VPS37C: variants seen among roughly 807,000 people sequenced by gnomAD.
The protein encoded by VPS37C is VPS37C subunit of ESCRT-I.
In VPS37C, 9 loss-of-function variants were observed where a neutral mutation model predicts 16.1. The ratio of observed to expected loss-of-function variants is 0.56; its 90% CI spans 0.34 to 0.97. The LOEUF is 0.97. Among genes scored for constraint, VPS37C ranks in the 50% least tolerant of loss-of-function variants. VPS37C has a pLI of 0.02. For missense variants in VPS37C, 479 were observed against 472.7 expected, an observed-to-expected ratio of 1.01 and a Z score of -0.12; for synonymous variants, 207 against 206.4, an observed-to-expected ratio of 1.00 and a Z score of -0.02.
intron 1 of VPS37C, among the ~76,000 whole-genome samples, chr11:61,154,562 G>T (rs1327731684): frequency 1.3e-5 from 2 of 151,902 alleles, no homozygotes; most frequent in African/African-American, 2.4e-5. Context: ...TGGGAAAAAT[G>T]AATGATCAGA....
chr11:61,156,009 C>T (rs1209836718), intron 1 of VPS37C, among the ~76,000 whole-genome samples: 3 of 152,072 alleles, frequency 2.0e-5, no homozygotes, highest in Admixed American at 1.3e-4. Context: ...GGTATAATAT[C>T]GCTTGAAGAT....
intron 1 of VPS37C, among the ~76,000 whole-genome samples, chr11:61,159,901 CAAA>C (rs35953020): frequency 0.12 from 5,706 of 48,710 alleles, 54 homozygotes; most frequent in Non-Finnish European, 0.14. Context: ...GACTCCGTCT[CAAA>C]AAAAAAAAAA....
chr11:61,148,533 G>A (rs495377), intron 1 of VPS37C, among the ~76,000 whole-genome samples: 111,553 of 150,218 alleles, frequency 0.74, 42,942 homozygotes, highest in East Asian at 1. Flanking sequence ...CCAGCTGTGC[G>A]TCCAAGTACC....
In VPS37C at chr11:61,133,348, G is replaced by C; in HGVS notation, c.266-11C>G. On this transcript the variant is annotated splice_polypyrimidine_tract_variant and intron_variant, in intron 3 of 4. Transcript: ENST00000301765. ...CTGAAGAAAATTTCTCTGGAAGGGAGGGCAGAACGACTGACATTTGAAAAG... is the reference window on the plus strand; with the variant it reads ...CTGAAGAAAATTTCTCTGGAAGGGACGGCAGAACGACTGACATTTGAAAAG... 1 of 1,613,494 alleles carries C rather than the reference G, an allele frequency of 6.2e-7. No homozygotes were observed. Among genetic ancestry groups the C allele is most frequent in the Non-Finnish European group, 8.5e-7 (1 of 1,179,764 alleles).
chr11:61,133,920 C>A lies in VPS37C; in HGVS notation c.265+116G>T, dbSNP rs1861316548. 11 of 1,277,766 alleles carry A rather than the reference C, an allele frequency of 8.6e-6. No individual in the cohort carries two copies. The East Asian group carries it at 1.4e-4, about 17-fold the overall frequency. 79.2% of individuals were successfully genotyped at this position (1,277,766 alleles called of 1,614,324 possible). A position where few individuals can be genotyped will look rare whatever the true frequency, so the allele number is the denominator to read the frequency against. On this transcript the variant is annotated intron_variant, in intron 3 of 4. Coordinates refer to ENST00000301765, the MANE Select transcript of VPS37C (RefSeq NM_017966.5). ...AAATGGAGTAACAACAGTACCCACCCTTCTATGGCTGTTGTGAAAAAATAT... is the reference window on the plus strand; with the variant it reads ...AAATGGAGTAACAACAGTACCCACCATTCTATGGCTGTTGTGAAAAAATAT...
intron 1 of VPS37C, chr11:61,143,362 ATTTTTTTTTTTTTTTTTTTTTT>A (rs779076399): frequency 9.6e-5 from 5 of 52,246 alleles, no homozygotes; most frequent in African/African-American, 4.5e-4. Flanking sequence ...AGGATTCTTA[ATTTTTTTTTTTTTTTTTTTTTT>A]TTTTTTTTTT....
rs1853261998 is a variant in VPS37C at position 61,149,179 on chromosome 11, A to G, written c.-6-10344T>C. On this transcript the variant is annotated intron_variant, in intron 1 of 4. Coordinates refer to ENST00000301765, the MANE Select transcript of VPS37C (RefSeq NM_017966.5). ...CACACGCCTGTAGTCCCAGCTACTC[A>G]GGAGGCTGAGGCAGGAGAATGGCGT... Among the ~76,000 whole-genome samples the G allele has an allele frequency of 2.6e-5, 4 of 152,228 alleles. No homozygotes were observed. The South Asian group carries it at 8.3e-4, about 31-fold the overall frequency.
chr11:61,131,567 C>T lies in VPS37C; in HGVS notation c.*253G>A. The T allele has an allele frequency of 2.3e-6, 1 of 427,306 alleles. No individual in the cohort carries two copies. 26.5% of individuals were successfully genotyped at this position (427,306 alleles called of 1,614,324 possible). Reference sequence around the variant, plus strand: ...AGACACCGGCGAGAGGTGCTGGACTCCAGCCTGGCTAGCACCGCTGCAGCC... The same window carrying T: ...AGACACCGGCGAGAGGTGCTGGACTTCAGCCTGGCTAGCACCGCTGCAGCC... On this transcript the variant is annotated 3_prime_UTR_variant, in exon 5 of 5. Transcript: ENST00000301765.
intron 1 of VPS37C, among the ~76,000 whole-genome samples, chr11:61,153,231 C>T (rs1361943074): frequency 2.0e-5 from 3 of 152,166 alleles, no homozygotes; most frequent in African/African-American, 7.2e-5. Context: ...ATGCTGTTCT[C>T]GTGACAGTGA....
intron 2 of VPS37C, among the ~76,000 whole-genome samples, chr11:61,137,379 G>A (rs1336045267): frequency 6.6e-6 from 1 of 152,162 alleles, no homozygotes. Context: ...CAGATCGATG[G>A]GACAGGTGTG....
chr11:61,140,460 AG>A lies in VPS37C; in HGVS notation c.-6-1626del, dbSNP rs369329391. Reference sequence around the variant, plus strand: ...ATAAAGAACTATCCATACAGGGACGAGACCAGTATTTGTTATGTCTTGAGGG... The same window carrying A: ...ATAAAGAACTATCCATACAGGGACGAACCAGTATTTGTTATGTCTTGAGGG... On this transcript the variant is annotated intron_variant, in intron 1 of 4. Transcript: ENST00000301765. Among the ~76,000 whole-genome samples the A allele has an allele frequency of 1.2e-4, 19 of 152,126 alleles. 1 individual carries two copies. In the South Asian group the frequency reaches 4.0e-3, roughly 32 times the overall value.
At chr11:61,142,751 C>T (rs540622898) in intron 1 of VPS37C, among the ~76,000 whole-genome samples, 3 of 138,086 alleles carry the variant, frequency 2.2e-5, no homozygotes, top group African/African-American at 8.2e-5. Flanking sequence ...AGGAGTCCCC[C>T]TGAAACACAC....
intron 1 of VPS37C, among the ~76,000 whole-genome samples, chr11:61,157,647 A>AT (rs1365379048): frequency 6.6e-6 from 1 of 152,124 alleles, no homozygotes; most frequent in East Asian, 1.9e-4. Flanking sequence ...TCCTAACACT[A>AT]TTTTTTTAAA....
rs1336954921 is a variant in VPS37C at position 61,132,351 on chromosome 11, C to T, written c.537G>A (p.Val179=). Residue 179 remains valine (V), a synonymous_variant, in exon 5 of 5, where the codon GTG becomes GTA. Transcript: ENST00000301765. ...GGGGTGTTCCCTGGGGGACTGGGCG[C>T]ACCGGGGGTGGTGGACGGGGTGGAG... is the stretch of plus-strand genomic sequence containing the variant. ...DAPPPRPPPP[V]RPVPQGTPPV... The T allele has an allele frequency of 6.2e-7, 1 of 1,600,224 alleles. No individual in the cohort carries two copies. The highest frequency in any genetic ancestry group is 8.5e-7 in the Non-Finnish European group (1 of 1,173,404).
chr11:61,149,587 G>C (rs1237052153), intron 1 of VPS37C, among the ~76,000 whole-genome samples: 1 of 152,176 alleles, frequency 6.6e-6, no homozygotes, highest in Non-Finnish European at 1.5e-5. Context: ...CGGCCAGCTA[G>C]GTCTAGAACC....
intron 1 of VPS37C, among the ~76,000 whole-genome samples, chr11:61,147,991 T>A (rs201186122): frequency 6.6e-6 from 1 of 152,234 alleles, no homozygotes; most frequent in Non-Finnish European, 1.5e-5. Context: ...GGCACCATGA[T>A]GATAATCCCA....
chr11:61,133,170 A>G, intron 4 of VPS37C, 85 bp downstream of exon 4: 1 of 1,429,550 alleles, frequency 7.0e-7, no homozygotes, highest in Non-Finnish European at 9.7e-7. Flanking sequence ...CATGCTTTGC[A>G]GACATCTGCT....
intron 1 of VPS37C, among the ~76,000 whole-genome samples, chr11:61,157,192 T>C (rs919149395): frequency 6.6e-6 from 1 of 152,276 alleles, no homozygotes; most frequent in African/African-American, 2.4e-5. Context: ...ATAATGCTGC[T>C]ACAAACATGG....
intron 1 of VPS37C, chr11:61,144,716 A>T (rs1393988491): frequency 6.6e-6 from 1 of 152,398 alleles, no homozygotes; most frequent in Non-Finnish European, 1.5e-5. Flanking sequence ...ACGAGTGCCC[A>T]AGCTCTGGCC....
Sources: allele counts gnomAD v4.1 joint callset (sites outside exome capture counted in the v4.1 genomes callset), GRCh38; gene constraint gnomAD v4.1.1; transcripts MANE v1.5; gene names NCBI Gene and HGNC (gene_info 2026-07-23, HGNC 2026-07-21).